Variants in ANO6 observed in about 807,000 individuals in gnomAD.
ANO6 encodes anoctamin 6.
Under a neutral mutation model 117.5 loss-of-function variants are expected in ANO6, and 106 were observed. The ratio of observed to expected loss-of-function variants is 0.90; its 90% confidence interval spans 0.77 to 1.06. The LOEUF (loss-of-function observed/expected upper bound fraction) is 1.06. Among genes scored for constraint, ANO6 ranks in the 50% least tolerant of loss-of-function variants. The pLI is 0.00. For synonymous variants in ANO6, 367 were observed against 385.1 expected, an observed-to-expected ratio of 0.95 and a Z score of 0.55; for missense variants, 955 against 1,121.1, an observed-to-expected ratio of 0.85 and a Z score of 2.12.
intron 12 of ANO6, 96 bp from the exon 13 acceptor site, chr12:45,401,699 T>C (rs908585405): frequency 6.8e-6 from 7 of 1,026,290 alleles, no homozygotes; most frequent in Non-Finnish European, 1.1e-5. Flanking sequence ...TTTACATCAC[T>C]TTACACACAC....
intron 2 of ANO6, among the ~76,000 whole-genome samples, chr12:45,311,658 T>C (rs77180088): frequency 0.017 from 2,646 of 152,172 alleles, 56 homozygotes; most frequent in East Asian, 0.086. Flanking sequence ...AGCAACTAGA[T>C]TTCATTTCAG....
intron 1 of ANO6, among the ~76,000 whole-genome samples, chr12:45,292,171 A>G (rs1014928328): frequency 9.2e-5 from 14 of 152,358 alleles, no homozygotes; most frequent in Non-Finnish European, 1.8e-4. Flanking sequence ...CAACTTGGAT[A>G]TAACTTGAAA....
Position 45,403,064 on chromosome 12 carries a change from A to G in ANO6, c.1613-8A>G. 6.2e-7 allele frequency: 1 copy of G among 1,613,366 alleles called. No individual in the cohort carries two copies. On this transcript the variant is annotated splice_polypyrimidine_tract_variant and splice_region_variant and intron_variant, in intron 13 of 19. Transcript: ENST00000320560. The stretch of plus-strand genomic sequence containing the variant: ...TTAAAATCTTATTTCTCTTTCTTTT[A>G]ACTACAGAACTCCCAAGGACCCAGA...
chr12:45,242,387 G>A (rs1390005048), intron 1 of ANO6, among the ~76,000 whole-genome samples: 1 of 152,268 alleles, frequency 6.6e-6, no homozygotes, highest in East Asian at 1.9e-4. Context: ...AGCCAGGCAT[G>A]GGAGAGAATC....
intron 11 of ANO6, 123 bp from the exon 12 acceptor site, chr12:45,390,298 G>A: frequency 1.2e-6 from 1 of 821,066 alleles, no homozygotes; most frequent in Admixed American, 1.8e-5. Context: ...TTATGAGTAA[G>A]GAGACTATGC....
intron 1 of ANO6, among the ~76,000 whole-genome samples, chr12:45,294,206 G>T (rs574526184): frequency 6.6e-6 from 1 of 152,268 alleles, no homozygotes; most frequent in East Asian, 1.9e-4. Context: ...TTGGATTGGG[G>T]AATTGAACTG....
At chr12:45,267,082 T>G (rs1258283858) in intron 1 of ANO6, among the ~76,000 whole-genome samples, 3 of 152,160 alleles carry the variant, frequency 2.0e-5, no homozygotes, top group African/African-American at 7.2e-5. Flanking sequence ...GAATCATCCA[T>G]CTATTTATCT....
intron 10 of ANO6, 60 bp from the exon 11 acceptor site, chr12:45,388,101 G>T: frequency 1.9e-6 from 3 of 1,597,704 alleles, no homozygotes; most frequent in Non-Finnish European, 2.6e-6. Context: ...ATTCAGTACA[G>T]ATTTCTGAAA....
At chr12:45,265,725 C>T (rs559881982) in intron 1 of ANO6, among the ~76,000 whole-genome samples, 5 of 152,240 alleles carry the variant, frequency 3.3e-5, no homozygotes, top group African/African-American at 9.6e-5. Context: ...TCAGAAACAC[C>T]TTCGTAGACT....
At chr12:45,310,967 A>G (rs966430863) in intron 2 of ANO6, among the ~76,000 whole-genome samples, 6 of 152,108 alleles carry the variant, frequency 3.9e-5, no homozygotes, top group Non-Finnish European at 7.4e-5. Flanking sequence ...TTAGGAGCCA[A>G]CATGATGAGT....
At chr12:45,385,521 C>T (rs1274480796) in intron 10 of ANO6, among the ~76,000 whole-genome samples, 1 of 152,064 alleles carries the variant, frequency 6.6e-6, no homozygotes, top group Non-Finnish European at 1.5e-5. Context: ...CATATGCAGC[C>T]TAGGGAGGGT....
intron 15 of ANO6, among the ~76,000 whole-genome samples, chr12:45,406,233 A>G (rs1942931322): frequency 6.6e-6 from 1 of 152,254 alleles, no homozygotes; most frequent in African/African-American, 2.4e-5. Context: ...TGAATGAATA[A>G]GTGCCTTGTA....
intron 10 of ANO6, among the ~76,000 whole-genome samples, chr12:45,384,914 A>G (rs1239264392): frequency 6.6e-6 from 1 of 152,214 alleles, no homozygotes; most frequent in Non-Finnish European, 1.5e-5. Flanking sequence ...ATCAAGGTAC[A>G]TCTGTACAGG....
At chr12:45,298,806 C>T (rs896079331) in intron 1 of ANO6, among the ~76,000 whole-genome samples, 1 of 152,034 alleles carries the variant, frequency 6.6e-6, no homozygotes, top group African/African-American at 2.4e-5. Context: ...TCTTGTTTGT[C>T]CTGTCTTTAG....
In ANO6 at chr12:45,429,252, G is replaced by A; in HGVS notation, c.2674G>A (p.Val892Met). ...HLKDMTKNMG[V>M]IAERMIEAVD... ...CAAAGATATGACGAAAAATATGGGG[G>A]TGATAGCTGAGCGGATGATAGAAGC... Residue 892 changes from valine to methionine, a missense_variant, in exon 20 of 20, where the codon GTG becomes ATG. Coordinates refer to ENST00000320560, the MANE Select transcript of ANO6 (RefSeq NM_001025356.3). 1 of 1,613,900 alleles carries A rather than the reference G, an allele frequency of 6.2e-7. No individual in the cohort carries two copies. Among genetic ancestry groups the A allele is most frequent in the Non-Finnish European group, 8.5e-7 (1 of 1,179,922 alleles).
At chr12:45,408,610 TA>T (rs1943005369) in intron 15 of ANO6, among the ~76,000 whole-genome samples, 2 of 152,202 alleles carry the variant, frequency 1.3e-5, no homozygotes, top group Non-Finnish European at 2.9e-5. Context: ...CTCTGGTCCT[TA>T]AATGATTCAG....
Position 45,345,501 on chromosome 12 carries a change from C to G in ANO6, c.280-1521C>G, listed in dbSNP as rs114704656. Among the ~76,000 whole-genome samples the G allele has an allele frequency of 7.2e-3, 1,097 of 152,328 alleles. 16 individuals carry two copies. The highest frequency in any genetic ancestry group is 0.025 in the African/African-American group (1,056 of 41,574). ...TCGACCTGGACCTAGCAGTTCCTCT[C>G]TGTCTTGTTAACTGCTGTGCTAAAT... is the stretch of plus-strand genomic sequence containing the variant. On this transcript the variant is annotated intron_variant, in intron 3 of 19. Coordinates refer to ENST00000320560, the MANE Select transcript of ANO6 (RefSeq NM_001025356.3).
At chr12:45,230,145 T>C (rs1947553228) in intron 1 of ANO6, among the ~76,000 whole-genome samples, 1 of 152,184 alleles carries the variant, frequency 6.6e-6, no homozygotes, top group Non-Finnish European at 1.5e-5. Context: ...TTGTCACTTT[T>C]TGTCTTTTCC....
chr12:45,290,872 G>A (rs1939070730), intron 1 of ANO6, among the ~76,000 whole-genome samples: 1 of 152,126 alleles, frequency 6.6e-6, no homozygotes, highest in Non-Finnish European at 1.5e-5. Flanking sequence ...GGATTCATGG[G>A]TTCTGATTTC....
Sources: gnomAD v4.1 joint callset for allele counts (sites outside exome capture counted in the v4.1 genomes callset) on GRCh38, gnomAD v4.1.1 for gene constraint, MANE v1.5 for transcripts, NCBI Gene and HGNC (gene_info 2026-07-23, HGNC 2026-07-21) for gene names.